Variants in ADPGK observed in about 807,000 individuals in gnomAD.
ADPGK encodes the protein ADP-dependent glucokinase.
In ADPGK, 26 loss-of-function variants were observed where a neutral mutation model predicts 42.4. That is an observed-to-expected ratio of 0.61 (90% CI 0.45 to 0.85). The LOEUF (loss-of-function observed/expected upper bound fraction) is 0.85, where lower values mean the gene tolerates loss of function less well. ADPGK is among the 40% of genes least tolerant of loss of function. The probability of loss-of-function intolerance (pLI) is 0.00; values close to 1 mark genes in which losing one functional copy is unlikely to be tolerated. For synonymous variants in ADPGK, 267 were observed against 252.6 expected (o/e 1.06, Z -0.54); for missense variants, 571 against 627.0 (o/e 0.91, Z 0.95).
chr15:72,782,539 A>AAC (rs1555405382), intron 1 of ADPGK, among the ~76,000 whole-genome samples: 1 of 150,950 alleles, frequency 6.6e-6, no homozygotes, highest in African/African-American at 2.4e-5. Flanking sequence ...AAAAAAAAAA[A>AAC]AAAAAAAAAC....
rs1255031081 is a variant in ADPGK, at chr15:72,752,204, T to C, written c.*137A>G. 12 of 868,708 alleles carry C rather than the reference T, an allele frequency of 1.4e-5. No homozygotes were observed. Among genetic ancestry groups the C allele is most frequent in the Non-Finnish European group, 2.0e-5 (12 of 588,386 alleles). The allele number at this position is 868,708 out of a possible 1,614,324, so 53.8% of individuals were successfully genotyped here. ...TAAAATCTGAAATGTTTTTATGGAG[T>C]TGCCAACAGGCTGGAATGTACCTGA... On this transcript the variant is annotated 3_prime_UTR_variant, in exon 7 of 7. Transcript: ENST00000456471.
chr15:72,752,751 T>C lies in ADPGK; in HGVS notation c.1084A>G (p.Ile362Val), dbSNP rs1450112249. The C allele has an allele frequency of 6.2e-7, 1 of 1,614,152 alleles. No individual in the cohort carries two copies. Among genetic ancestry groups the C allele is most frequent in the South Asian group, 1.1e-5 (1 of 91,078 alleles). The part of the protein sequence containing the change: ...VGMVSDILFW[I>V]LKEHGRSKSR... ...TTACTCCTCCCATGTTCTTTCAAGA[T>C]CCAGAAGAGGATGTCACTGACCATG... The change falls in exon 7 of 7, where the codon ATC (isoleucine) becomes GTC (valine). Residue 362 changes from isoleucine (I) to valine (V), a missense_variant. Transcript: ENST00000456471.
intron 1 of ADPGK, among the ~76,000 whole-genome samples, chr15:72,782,036 C>T (rs1019099813): frequency 6.6e-6 from 1 of 152,176 alleles, no homozygotes; most frequent in Non-Finnish European, 1.5e-5. Flanking sequence ...TATCAGCCTC[C>T]AGATCCACGA....
chr15:72,759,131 T>C (rs2066157198), intron 4 of ADPGK, among the ~76,000 whole-genome samples: 1 of 152,074 alleles, frequency 6.6e-6, no homozygotes, highest in Admixed American at 6.5e-5. Flanking sequence ...AGAGACGGGG[T>C]TTCACCATCT....
At chr15:72,756,068 G>A (rs145731543) in intron 5 of ADPGK, 183 bp downstream of exon 5, 50 of 741,324 alleles carry the variant, frequency 6.7e-5, no homozygotes, top group Middle Eastern at 4.5e-4. Flanking sequence ...TCAAGCTGCT[G>A]CCCACATCTG....
Position 72,776,946 on chromosome 15 carries a change from C to T in ADPGK, c.234-1849G>A, listed in dbSNP as rs926324999. 2.0e-5 allele frequency among the ~76,000 whole-genome samples: 3 copies of T among 152,098 alleles called. No homozygotes were observed. The East Asian group carries it at 5.8e-4, about 29-fold the overall frequency. Reference sequence around the variant, plus strand: ...AAAACATCTAGCTACTGTATTTGGCCCTTCTCTTTAAAAGAGGGATGATTT... The same window carrying T: ...AAAACATCTAGCTACTGTATTTGGCTCTTCTCTTTAAAAGAGGGATGATTT... On this transcript the variant is annotated intron_variant, in intron 1 of 6. Coordinates refer to ENST00000456471, the MANE Select transcript of ADPGK (RefSeq NM_001365225.1).
chr15:72,760,167 G>C (rs999690066), intron 4 of ADPGK: 6 of 283,604 alleles, frequency 2.1e-5, no homozygotes, highest in African/African-American at 8.7e-5. Flanking sequence ...GATTTATCTT[G>C]GGTTCGGAGC....
At chr15:72,776,744 C>T (rs2066397065) in intron 1 of ADPGK, among the ~76,000 whole-genome samples, 3 of 152,316 alleles carry the variant, frequency 2.0e-5, no homozygotes, top group African/African-American at 7.2e-5. Flanking sequence ...CACAAAGAGA[C>T]TGCATCCTCA....
chr15:72,783,269 G>A, intron 1 of ADPGK, 190 bp downstream of exon 1: 2 of 1,250,412 alleles, frequency 1.6e-6, no homozygotes, highest in Admixed American at 4.2e-5. Context: ...AGGCGCAGAG[G>A]CCAGCCGAGT....
intron 6 of ADPGK, 95 bp from the exon 7 acceptor site, chr15:72,752,990 AG>A (rs2066067416): frequency 7.7e-7 from 1 of 1,295,110 alleles, no homozygotes; most frequent in African/African-American, 1.5e-5. Context: ...CAGGGAACAC[AG>A]GCAGGCAGCT....
intron 1 of ADPGK, chr15:72,783,080 G>T: frequency 2.2e-6 from 1 of 453,596 alleles, no homozygotes; most frequent in Non-Finnish European, 3.0e-6. Context: ...AAGAAGTTCA[G>T]AAGAAAGAGG....
At chr15:72,772,541 AG>A (rs2066341289) in intron 2 of ADPGK, among the ~76,000 whole-genome samples, 2 of 152,178 alleles carry the variant, frequency 1.3e-5, no homozygotes, top group South Asian at 4.1e-4. Context: ...CTCACCAGAT[AG>A]GATTACAGAT....
intron 6 of ADPGK, among the ~76,000 whole-genome samples, chr15:72,753,653 A>T (rs1019018762): frequency 6.6e-6 from 1 of 152,220 alleles, no homozygotes; most frequent in Admixed American, 6.5e-5. Flanking sequence ...TTGTTGGAGC[A>T]ATAGCAGCTT....
At chr15:72,764,717 TAAG>T (rs890929266) in intron 3 of ADPGK, among the ~76,000 whole-genome samples, 14 of 152,314 alleles carry the variant, frequency 9.2e-5, no homozygotes, top group African/African-American at 3.4e-4. Flanking sequence ...AAAATTATTG[TAAG>T]AAGATGCCAT....
In ADPGK at chr15:72,752,801, G is replaced by A. The variant is rs989641991; in HGVS notation, c.1034C>T (p.Ser345Phe). ...SASGPHSSLS[S>F]WNGVPDVGMV... is the part of the protein sequence containing the mutation. The stretch of plus-strand genomic sequence containing the variant: ...GCCCACATCAGGAACACCGTTCCAG[G>A]AAGAGAGAGAAGAGTGAGGTCCAGA... The change falls in exon 7 of 7, where the codon TCC (serine) becomes TTC (phenylalanine). Residue 345 changes from serine (S) to phenylalanine (F), a missense_variant. Physicochemically the swap from Ser to Phe is radical, Grantham distance 155. Around this residue, in one of 2 missense-constraint regions of ADPGK, gnomAD observed 434 missense variants for 522.7 expected, o/e 0.83. Transcript: ENST00000456471. 1 of 1,614,256 alleles carries A rather than the reference G, an allele frequency of 6.2e-7. No individual in the cohort carries two copies. The highest frequency in any genetic ancestry group is 8.5e-7 in the Non-Finnish European group (1 of 1,180,048).
chr15:72,765,335 G>C (rs934399161), intron 3 of ADPGK, among the ~76,000 whole-genome samples: 1 of 152,080 alleles, frequency 6.6e-6, no homozygotes, highest in African/African-American at 2.4e-5. Context: ...TTTTAGTAGA[G>C]ACGGGGTTTT....
intron 6 of ADPGK, among the ~76,000 whole-genome samples, chr15:72,753,168 A>G (rs1200470989): frequency 1.3e-4 from 20 of 152,200 alleles, no homozygotes; most frequent in Admixed American, 9.2e-4. Flanking sequence ...AGAGGTGTCT[A>G]TATTTTGTGT....
At chr15:72,769,490 C>A (rs1424716175) in intron 3 of ADPGK, among the ~76,000 whole-genome samples, 1 of 152,130 alleles carries the variant, frequency 6.6e-6, no homozygotes, top group Admixed American at 6.5e-5. Flanking sequence ...GGACTACAAG[C>A]GCCTGCCACC....
Position 72,755,396 on chromosome 15 carries a change from G to C in ADPGK, c.939+160C>G, listed in dbSNP as rs115380080. On this transcript the variant is annotated intron_variant, in intron 6 of 6. Transcript: ENST00000456471. ...GATACTGCTGTTTCAGAACAGTCCT[G>C]GATCCTTATTTGGATCTCCATGGAC... Among the ~76,000 whole-genome samples, 156 of 152,314 alleles carry C rather than the reference G, an allele frequency of 1.0e-3. 1 individual carries two copies. The highest frequency in any genetic ancestry group is 3.6e-3 in the African/African-American group (150 of 41,570).
Sources: gnomAD v4.1 joint callset for allele counts (sites outside exome capture counted in the v4.1 genomes callset) on GRCh38, gnomAD v4.1.1 for gene constraint, gnomAD v4.1.1 regional missense constraint, MANE v1.5 for transcripts, NCBI Gene and HGNC (gene_info 2026-07-23, HGNC 2026-07-21) for gene names.